The following NTM variants were observed in gnomAD, a reference collection of about 807,000 sequenced individuals.
NTM encodes the protein IgLON family member 2.
A neutral mutation model predicts 42.1 loss-of-function variants in NTM; 13 were observed. That is an observed-to-expected ratio of 0.31 (90% CI 0.20 to 0.49). The LOEUF (loss-of-function observed/expected upper bound fraction) is 0.49. Among genes scored for constraint, NTM ranks in the 20% least tolerant of loss-of-function variants. NTM has a pLI of 0.99. For synonymous variants in NTM, 187 were observed against 179.2 expected, an observed-to-expected ratio of 1.04 and a Z score of -0.35; for missense variants, 373 against 452.8, an observed-to-expected ratio of 0.82 and a Z score of 1.60.
At chr11:131,954,078 C>CTATA (rs771969607) in intron 2 of NTM, among the ~76,000 whole-genome samples, 51 of 152,332 alleles carry the variant, frequency 3.3e-4, no homozygotes, top group Admixed American at 7.8e-4. Context: ...CTCCCCATGG[C>CTATA]TATATGCTCA....
At chr11:132,142,813 T>C (rs2069477835) in intron 2 of NTM, among the ~76,000 whole-genome samples, 1 of 152,166 alleles carries the variant, frequency 6.6e-6, no homozygotes, top group African/African-American at 2.4e-5. Context: ...TGCTAGTGCA[T>C]CTGCAGACGA....
intron 1 of NTM, among the ~76,000 whole-genome samples, chr11:131,676,721 C>A (rs2071473418): frequency 6.6e-6 from 1 of 151,466 alleles, no homozygotes; most frequent in South Asian, 2.1e-4. Context: ...TTTAAACCTT[C>A]AAAAATGTAA....
intron 4 of NTM, among the ~76,000 whole-genome samples, chr11:132,265,368 G>A (rs894534568): frequency 6.6e-6 from 1 of 152,332 alleles, no homozygotes; most frequent in East Asian, 1.9e-4. Flanking sequence ...TTCCAGCCAT[G>A]AGATTTTGGG....
At chr11:132,018,241 A>G (rs769721658) in intron 2 of NTM, among the ~76,000 whole-genome samples, 1 of 150,584 alleles carries the variant, frequency 6.6e-6, no homozygotes, top group Non-Finnish European at 1.5e-5. Flanking sequence ...CCCATATTGC[A>G]TGGGTAGAAC....
At chr11:131,653,963 A>G (rs77475804) in intron 1 of NTM, among the ~76,000 whole-genome samples, 3,041 of 152,310 alleles carry the variant, frequency 0.02, 98 homozygotes, top group African/African-American at 0.069. Flanking sequence ...GATTAAGCTC[A>G]ACAATACCTT....
intron 1 of NTM, among the ~76,000 whole-genome samples, chr11:131,889,186 A>C (rs1349762201): frequency 6.6e-6 from 1 of 152,244 alleles, no homozygotes; most frequent in Non-Finnish European, 1.5e-5. Flanking sequence ...GATCAGAAAC[A>C]TCTGTCTGTA....
At position 132,183,707 on chromosome 11, in the gene NTM, A is replaced by G. The variant is rs1026285711; in HGVS notation, c.401-28315A>G. Among the ~76,000 whole-genome samples the G allele has an allele frequency of 2.0e-5, 3 of 152,164 alleles. No individual in the cohort carries two copies. The East Asian group carries it at 5.8e-4, about 30-fold the overall frequency. The stretch of plus-strand genomic sequence containing the variant: ...GGTCATAGAAACTTTAGACTCACCA[A>G]CTCCAAAAAGTAAAGTGTGGAACTT... On this transcript the variant is annotated intron_variant, in intron 3 of 8. Coordinates refer to ENST00000683400, the MANE Select transcript of NTM (RefSeq NM_001352005.2).
chr11:131,972,841 A>G (rs1224055166), intron 2 of NTM, among the ~76,000 whole-genome samples: 1 of 152,168 alleles, frequency 6.6e-6, no homozygotes, highest in Non-Finnish European at 1.5e-5. Context: ...AAAGCCTGTG[A>G]TTTTGGGCCA....
intron 4 of NTM, among the ~76,000 whole-genome samples, chr11:132,216,757 A>G (rs1219012563): frequency 2.0e-5 from 3 of 152,332 alleles, no homozygotes; most frequent in Non-Finnish European, 2.9e-5. Context: ...ATATTTGCCA[A>G]TGCCCCAAAG....
intron 1 of NTM, among the ~76,000 whole-genome samples, chr11:131,846,273 G>A (rs1490447226): frequency 1.3e-5 from 2 of 152,068 alleles, no homozygotes; most frequent in Admixed American, 1.3e-4. Context: ...TATGTTAAGA[G>A]AGGCATAAGA....
At chr11:131,715,231 T>C (rs1409404750) in intron 1 of NTM, among the ~76,000 whole-genome samples, 5 of 152,154 alleles carry the variant, frequency 3.3e-5, no homozygotes, top group African/African-American at 4.8e-5. Flanking sequence ...AGTGCATAAA[T>C]AGAAGGAGCT....
At chr11:132,267,704 T>C (rs1459379928) in intron 4 of NTM, among the ~76,000 whole-genome samples, 3 of 151,992 alleles carry the variant, frequency 2.0e-5, no homozygotes, top group Admixed American at 6.6e-5. Flanking sequence ...TAATCCCAGC[T>C]GAGGTGGGAG....
intron 1 of NTM, among the ~76,000 whole-genome samples, chr11:131,453,083 T>C (rs2034382): frequency 0.39 from 59,222 of 152,046 alleles, 11,624 homozygotes; most frequent in African/African-American, 0.44. Context: ...TTCAGGGCCA[T>C]GGATGCTTTC....
intron 1 of NTM, among the ~76,000 whole-genome samples, chr11:131,896,761 T>C (rs1026473788): frequency 7.0e-6 from 1 of 143,438 alleles, no homozygotes; most frequent in Non-Finnish European, 1.5e-5. Context: ...TGATCTCAGC[T>C]CACTGCAAGC....
chr11:132,199,526 C>T (rs773617322), intron 3 of NTM, among the ~76,000 whole-genome samples: 2 of 152,128 alleles, frequency 1.3e-5, no homozygotes, highest in Non-Finnish European at 2.9e-5. Context: ...TTGCATTTCT[C>T]ATAGTAAGTG....
chr11:131,993,652 A>AT (rs2067423141), intron 2 of NTM, among the ~76,000 whole-genome samples: 1 of 152,178 alleles, frequency 6.6e-6, no homozygotes, highest in Non-Finnish European at 1.5e-5. Flanking sequence ...AAGTCTATGA[A>AT]TTTCAGAGAC....
At chr11:131,652,022 A>T (rs1271385518) in intron 1 of NTM, among the ~76,000 whole-genome samples, 12 of 151,942 alleles carry the variant, frequency 7.9e-5, no homozygotes, top group Non-Finnish European at 1.6e-4. Context: ...GGAAGCAGAC[A>T]CTCTCCCATC....
intron 4 of NTM, among the ~76,000 whole-genome samples, chr11:132,299,297 A>AAAAAC (rs201038709): frequency 3.2e-4 from 49 of 152,150 alleles, no homozygotes; most frequent in Non-Finnish European, 6.3e-4. Flanking sequence ...TCTGTCTCAA[A>AAAAAC]AAAACAAAAC....
chr11:131,557,190 A>C (rs1376202034), intron 1 of NTM, among the ~76,000 whole-genome samples: 2 of 152,308 alleles, frequency 1.3e-5, no homozygotes, highest in East Asian at 3.9e-4. Context: ...TGAGTAACTA[A>C]AGTAGGGTAA....
Sources: gnomAD v4.1 joint callset for allele counts (sites outside exome capture counted in the v4.1 genomes callset) on GRCh38, gnomAD v4.1.1 for gene constraint, MANE v1.5 for transcripts, NCBI Gene and HGNC (gene_info 2026-07-23, HGNC 2026-07-21) for gene names.